Variants in LRRCC1 observed in about 807,000 individuals in gnomAD.
The protein encoded by LRRCC1 is leucine rich repeat and coiled-coil centrosomal protein 1, also known as leucine-rich repeat and coiled-coil domain-containing protein 1.
Under a neutral mutation model 126.0 loss-of-function variants are expected in LRRCC1, and 115 were observed. The ratio of observed to expected loss-of-function variants is 0.91; its 90% confidence interval spans 0.78 to 1.07. The LOEUF is 1.07. LRRCC1 is among the 50% of genes least tolerant of loss of function. The pLI is 0.00. For synonymous variants in LRRCC1, 400 were observed against 393.4 expected (o/e 1.02, Z -0.20); for missense variants, 1,172 against 1,175.7 (o/e 1.00, Z 0.05).
At chr8:85,113,832 G>A (rs1808907455) in intron 4 of LRRCC1, among the ~76,000 whole-genome samples, 1 of 152,086 alleles carries the variant, frequency 6.6e-6, no homozygotes, top group Admixed American at 6.5e-5. Context: ...CAATCAAGTT[G>A]ACAAAGATAA....
rs1810254836 is a variant in LRRCC1 at position 85,129,266 on chromosome 8, G to A, written c.1513G>A (p.Val505Ile). 1.9e-6 allele frequency: 3 copies of A among 1,613,484 alleles called. No homozygotes were observed. In the African/African-American group the frequency reaches 4.0e-5, roughly 22 times the overall value. Residue 505 changes from valine (V) to isoleucine (I), a missense_variant, in exon 10 of 19, where the codon GTT becomes ATT. Coordinates refer to ENST00000360375, the MANE Select transcript of LRRCC1 (RefSeq NM_033402.5). ...KLQNEIKKLTVELMKAKDQQE... is the reference protein window; with the variant it reads ...KLQNEIKKLTIELMKAKDQQE... Reference sequence around the variant, plus strand: ...TCAAAATGAAATTAAAAAACTGACTGTTGAACTAATGAAAGCAAAAGATCA... The same window carrying A: ...TCAAAATGAAATTAAAAAACTGACTATTGAACTAATGAAAGCAAAAGATCA...
chr8:85,114,950 C>A, intron 4 of LRRCC1, 150 bp from the exon 5 acceptor site: 1 of 538,910 alleles, frequency 1.9e-6, no homozygotes, highest in Non-Finnish European at 3.2e-6. Flanking sequence ...TGATTACATG[C>A]TGCAGAAGTT....
intron 18 of LRRCC1, among the ~76,000 whole-genome samples, chr8:85,142,925 G>A (rs961422228): frequency 6.6e-6 from 1 of 152,096 alleles, no homozygotes; most frequent in Non-Finnish European, 1.5e-5. Context: ...AAGAAAAAGA[G>A]GGAGTGAGGT....
In LRRCC1 at chr8:85,145,768, A is replaced by G. The variant is rs3779899; in HGVS notation, c.*257A>G. The stretch of plus-strand genomic sequence containing the variant: ...TATTTTTCTTGTTTCTGTACTATAC[A>G]TTGTTTGGTAATTACACATTTGCCT... On this transcript the variant is annotated 3_prime_UTR_variant, in exon 19 of 19. Coordinates refer to ENST00000360375, the MANE Select transcript of LRRCC1 (RefSeq NM_033402.5). The G allele has an allele frequency of 0.67, 131,907 of 196,286 alleles. 44,929 individuals carry two copies. Among genetic ancestry groups the G allele is most frequent in the Non-Finnish European group, 0.69 (66,772 of 97,092 alleles). 12.2% of individuals were successfully genotyped at this position (196,286 alleles called of 1,614,324 possible). A position where few individuals can be genotyped will look rare whatever the true frequency, so the allele number is the denominator to read the frequency against.
chr8:85,129,165 T>G lies in LRRCC1; in HGVS notation c.1422-10T>G. 6.3e-7 allele frequency: 1 copy of G among 1,587,344 alleles called. No individual in the cohort carries two copies. Among genetic ancestry groups the G allele is most frequent in the Non-Finnish European group, 8.6e-7 (1 of 1,163,580 alleles). ...AATATACTTAACACCACATATAACT[T>G]CTGCTTTAGGCTAAAGGAAATTATT... On this transcript the variant is annotated splice_polypyrimidine_tract_variant and intron_variant, in intron 9 of 18. Coordinates refer to ENST00000360375, the MANE Select transcript of LRRCC1 (RefSeq NM_033402.5).
rs1341644698 is a variant in LRRCC1, at chr8:85,141,415, T to C, written c.2874T>C (p.Asp958=). 4 of 1,613,120 alleles carry C rather than the reference T, an allele frequency of 2.5e-6. No individual in the cohort carries two copies. The highest frequency in any genetic ancestry group is 3.3e-4 in the Middle Eastern group (2 of 6,076). ...TGGAAAAACTTCATAGTATGGATGA[T>C]GCCTTTAAAAGACAAGTTGATGCAA... is the stretch of plus-strand genomic sequence containing the variant. ...NAMEKLHSMD[D]AFKRQVDAIV... is the part of the protein sequence containing the mutation. Residue 958 remains aspartate, a synonymous_variant, in exon 18 of 19, where the codon GAT becomes GAC. Transcript: ENST00000360375.
At position 85,131,778 on chromosome 8, in the gene LRRCC1, G is replaced by A. The variant is rs1222237622; in HGVS notation, c.1785G>A (p.Arg595=). 1 of 1,612,368 alleles carries A rather than the reference G, an allele frequency of 6.2e-7. No homozygotes were observed. The highest frequency in any genetic ancestry group is 8.5e-7 in the Non-Finnish European group (1 of 1,179,482). ...ACTCCAGGAAGGAACTTGAAACAAG[G>A]GAGTTTTTTACTGATGCTGACTTCC... The part of the protein sequence containing the change: ...EQEHRKELET[R]EFFTDADFQD... The change falls in exon 12 of 19, where the codon AGG becomes AGA. Residue 595 remains arginine, a synonymous_variant. Transcript: ENST00000360375.
chr8:85,142,952 A>G (rs1280841497), intron 18 of LRRCC1, among the ~76,000 whole-genome samples: 2 of 152,234 alleles, frequency 1.3e-5, no homozygotes, highest in African/African-American at 2.4e-5. Context: ...AAATAATCAC[A>G]ATGAGTAAGA....
chr8:85,108,055 T>C (rs1808401386), intron 1 of LRRCC1, among the ~76,000 whole-genome samples: 1 of 152,234 alleles, frequency 6.6e-6, no homozygotes, highest in Non-Finnish European at 1.5e-5. Flanking sequence ...CCACCTGCAT[T>C]TCAGGCTCTT....
At chr8:85,108,051 G>A (rs1156523244) in intron 1 of LRRCC1, among the ~76,000 whole-genome samples, 1 of 152,198 alleles carries the variant, frequency 6.6e-6, no homozygotes, top group Admixed American at 6.5e-5. Context: ...GTCTCCACCT[G>A]CATTTCAGGC....
At chr8:85,130,117 T>G in intron 11 of LRRCC1, 59 bp downstream of exon 11, 20 of 1,192,288 alleles carry the variant, frequency 1.7e-5, no homozygotes, top group African/African-American at 3.2e-5. Context: ...AGAAAGCTAC[T>G]GGTTCCCCAC....
Position 85,145,632 on chromosome 8 carries a change from A to C in LRRCC1, c.*121A>C. The C allele has an allele frequency of 1.3e-6, 1 of 752,246 alleles. No individual in the cohort carries two copies. Among genetic ancestry groups the C allele is most frequent in the Non-Finnish European group, 2.0e-6 (1 of 506,580 alleles). 46.6% of individuals were successfully genotyped at this position (752,246 alleles called of 1,614,324 possible). On this transcript the variant is annotated 3_prime_UTR_variant, in exon 19 of 19. Transcript: ENST00000360375. Reference sequence around the variant, plus strand: ...GTCTCTTTCTATACATTTCATTATGAATATATTTTTAAAGACTTTTGATCA... The same window carrying C: ...GTCTCTTTCTATACATTTCATTATGCATATATTTTTAAAGACTTTTGATCA...
At chr8:85,135,140 T>A in intron 13 of LRRCC1, 108 bp downstream of exon 13, 1 of 700,038 alleles carries the variant, frequency 1.4e-6, no homozygotes, top group East Asian at 3.2e-5. Context: ...ATGATACTAA[T>A]TATATATTGC....
At chr8:85,120,233 T>C (rs571536545) in intron 6 of LRRCC1, among the ~76,000 whole-genome samples, 31 of 152,218 alleles carry the variant, frequency 2.0e-4, no homozygotes, top group South Asian at 1.0e-3. Flanking sequence ...CATAGTATTT[T>C]CAGGTGAACC....
chr8:85,134,695 T>G (rs1205156871), intron 12 of LRRCC1, 152 bp from the exon 13 acceptor site: 5 of 557,518 alleles, frequency 9.0e-6, no homozygotes, highest in Non-Finnish European at 1.5e-5. Flanking sequence ...ATCATCATCC[T>G]GGATCTCTGT....
intron 17 of LRRCC1, among the ~76,000 whole-genome samples, chr8:85,140,429 T>C (rs1167228432): frequency 6.6e-6 from 1 of 152,238 alleles, no homozygotes; most frequent in Non-Finnish European, 1.5e-5. Context: ...TACTAAGTCA[T>C]ACAATTTTAA....
At chr8:85,140,170 G>A (rs573240388) in intron 17 of LRRCC1, among the ~76,000 whole-genome samples, 68 of 152,188 alleles carry the variant, frequency 4.5e-4, no homozygotes, top group African/African-American at 1.6e-3. Context: ...ATATAAAAAT[G>A]CAGACCTGAT....
intron 1 of LRRCC1, chr8:85,107,721 G>A (rs1349423557): frequency 1.4e-5 from 3 of 211,104 alleles, no homozygotes; most frequent in African/African-American, 6.9e-5. Context: ...ACTTACTGGT[G>A]GTTATTCCTT....
chr8:85,129,792 T>C, intron 10 of LRRCC1, 127 bp from the exon 11 acceptor site: 2 of 691,896 alleles, frequency 2.9e-6, no homozygotes, highest in Non-Finnish European at 4.5e-6. Context: ...ACATCATTAA[T>C]TTATTAAAGT....
Sources: gnomAD v4.1 joint callset for allele counts (sites outside exome capture counted in the v4.1 genomes callset) on GRCh38, gnomAD v4.1.1 for gene constraint, MANE v1.5 for transcripts, NCBI Gene and HGNC (gene_info 2026-07-23, HGNC 2026-07-21) for gene names.